GLP2R: variants seen among roughly 807,000 people sequenced by gnomAD.
The protein encoded by GLP2R is glucagon like peptide 2 receptor.
Under a neutral mutation model 68.2 loss-of-function variants are expected in GLP2R, and 59 were observed. The ratio of observed to expected loss-of-function variants is 0.87; its 90% CI spans 0.70 to 1.07. GLP2R has a LOEUF of 1.07. Among genes scored for constraint, GLP2R ranks in the 50% least tolerant of loss-of-function variants. The pLI is 0.00. For missense variants in GLP2R, 548 were observed against 677.4 expected (o/e 0.81, Z 2.12); for synonymous variants, 270 against 265.4 (o/e 1.02, Z -0.17).
chr17:9,846,146 C>A (rs1158060922), intron 4 of GLP2R, among the ~76,000 whole-genome samples: 2 of 152,068 alleles, frequency 1.3e-5, no homozygotes, highest in Non-Finnish European at 2.9e-5. Context: ...AGTTGAAAAT[C>A]AAGTACGCTT....
chr17:9,834,742 T>G (rs2066711426), intron 2 of GLP2R: 1 of 152,288 alleles, frequency 6.6e-6, no homozygotes, highest in Admixed American at 6.5e-5. Flanking sequence ...GTCCCAGGCT[T>G]CAAGCCCTTC....
At chr17:9,834,585 A>G (rs968482202) in intron 2 of GLP2R, 1 of 152,608 alleles carries the variant, frequency 6.6e-6, no homozygotes, top group Non-Finnish European at 1.5e-5. Context: ...CCTCCAAAAG[A>G]AAAAAAGAAG....
chr17:9,866,861 AT>A (rs1392275040), intron 9 of GLP2R: 1 of 152,274 alleles, frequency 6.6e-6, no homozygotes, highest in African/African-American at 2.4e-5. Context: ...CTAAAAGAGA[AT>A]TCCTTAAACC....
chr17:9,839,180 C>T (rs1008346909), intron 3 of GLP2R, among the ~76,000 whole-genome samples: 3 of 152,088 alleles, frequency 2.0e-5, no homozygotes, highest in Non-Finnish European at 4.4e-5. Context: ...CTATTGGACA[C>T]AGGAATGGAG....
chr17:9,850,094 C>T (rs375595464), intron 4 of GLP2R, among the ~76,000 whole-genome samples: 13 of 152,180 alleles, frequency 8.5e-5, no homozygotes, highest in African/African-American at 3.1e-4. Context: ...GTCCTCCCTT[C>T]AACTATGTAT....
chr17:9,841,368 G>T (rs1421972464), intron 3 of GLP2R, among the ~76,000 whole-genome samples: 1 of 151,942 alleles, frequency 6.6e-6, no homozygotes, highest in Non-Finnish European at 1.5e-5. Flanking sequence ...TGACTGCTGG[G>T]TTGCCCACAG....
chr17:9,856,983 G>A lies in GLP2R; in HGVS notation c.612-440G>A, dbSNP rs547145496. Reference sequence around the variant, plus strand: ...TGTTGCCAGGCTGGCGTGCAGTGGCGTGATCTAGGCTCACTGCAACCTCCG... The same window carrying A: ...TGTTGCCAGGCTGGCGTGCAGTGGCATGATCTAGGCTCACTGCAACCTCCG... On this transcript the variant is annotated intron_variant, in intron 5 of 12. Transcript: ENST00000262441. 1.6e-4 allele frequency among the ~76,000 whole-genome samples: 24 copies of A among 151,908 alleles called. No individual in the cohort carries two copies. The East Asian group carries it at 2.9e-3, about 18-fold the overall frequency.
At chr17:9,843,333 C>G (rs1409525532) in intron 4 of GLP2R, among the ~76,000 whole-genome samples, 1 of 152,220 alleles carries the variant, frequency 6.6e-6, no homozygotes, top group African/African-American at 2.4e-5. Flanking sequence ...TCTGCTCTTC[C>G]CGGCTGTGAA....
intron 3 of GLP2R, among the ~76,000 whole-genome samples, chr17:9,840,000 G>T (rs62066029): frequency 3.3e-5 from 4 of 122,440 alleles, no homozygotes; most frequent in Non-Finnish European, 3.3e-5. Flanking sequence ...TTTTTTTTTG[G>T]AGACAGAGTC....
chr17:9,861,274 C>A, intron 8 of GLP2R, 75 bp downstream of exon 8: 1 of 979,110 alleles, frequency 1.0e-6, no homozygotes. Flanking sequence ...AGAATGACAT[C>A]ATTTTACCGT....
At chr17:9,871,349 A>C (rs1199242006) in intron 10 of GLP2R, among the ~76,000 whole-genome samples, 2 of 152,020 alleles carry the variant, frequency 1.3e-5, no homozygotes, top group Non-Finnish European at 2.9e-5. Flanking sequence ...GTCTCAAAAA[A>C]AAAAAAAAAA....
intron 3 of GLP2R, 155 bp from the exon 4 acceptor site, chr17:9,842,340 C>T (rs1167010329): frequency 7.1e-6 from 6 of 846,042 alleles, no homozygotes; most frequent in Non-Finnish European, 1.1e-5. Flanking sequence ...TCCATGTTTT[C>T]CTTTCCATCC....
rs1254494491 is a variant in GLP2R, at chr17:9,870,728, TTCTGC to T, written c.1057-15_1057-11del. 1.7e-6 allele frequency: 2 copies of T among 1,202,134 alleles called. No homozygotes were observed. The highest frequency in any genetic ancestry group is 3.0e-5 in the African/African-American group (2 of 67,512). The allele number at this position is 1,202,134 out of a possible 1,614,324, so 74.5% of individuals were successfully genotyped here. ...TGGAATTCGTCACTTACTTACCCAATTCTGCTCTTTTTTTCAAGGTCAATTTCTTC... is the reference window on the plus strand; with the variant it reads ...TGGAATTCGTCACTTACTTACCCAATTCTTTTTTTCAAGGTCAATTTCTTC... On this transcript the variant is annotated splice_polypyrimidine_tract_variant and intron_variant, in intron 9 of 12. Coordinates refer to ENST00000262441, the MANE Select transcript of GLP2R (RefSeq NM_004246.3).
rs2067279846 is a variant in GLP2R at position 9,890,229 on chromosome 17, C to T, written c.*524C>T. 2.7e-6 allele frequency: 1 copy of T among 365,768 alleles called. No homozygotes were observed. The highest frequency in any genetic ancestry group is 2.1e-5 in the African/African-American group (1 of 46,924). The allele number at this position is 365,768 out of a possible 1,614,324, so 22.7% of individuals were successfully genotyped here. Reference sequence around the variant, plus strand: ...CATCCCAGGTAATTCTGCTGCAAGCCCACCCTTGGAGAACACTGGGCAGGG... The same window carrying T: ...CATCCCAGGTAATTCTGCTGCAAGCTCACCCTTGGAGAACACTGGGCAGGG... On this transcript the variant is annotated 3_prime_UTR_variant, in exon 13 of 13. Transcript: ENST00000262441.
rs2067278066 is a variant in GLP2R, at chr17:9,890,011, TCTC to T, written c.*309_*311del. 2.0e-6 allele frequency: 1 copy of T among 498,272 alleles called. No individual in the cohort carries two copies. The highest frequency in any genetic ancestry group is 2.3e-5 in the Admixed American group (1 of 43,642). 30.9% of individuals were successfully genotyped at this position (498,272 alleles called of 1,614,324 possible). On this transcript the variant is annotated 3_prime_UTR_variant, in exon 13 of 13. Coordinates refer to ENST00000262441, the MANE Select transcript of GLP2R (RefSeq NM_004246.3). ...AATGAAGTCCCACCATGAAGAGAGG[TCTC>T]CTGTTATAGAGAAGCCAGCCAATAT...
intron 9 of GLP2R, among the ~76,000 whole-genome samples, chr17:9,865,172 G>A (rs534676105): frequency 5.1e-4 from 77 of 152,200 alleles, no homozygotes; most frequent in Admixed American, 2.1e-3. Flanking sequence ...AAAGCTTGGT[G>A]TTCTCCTAAC....
intron 1 of GLP2R, among the ~76,000 whole-genome samples, chr17:9,829,196 G>A (rs929936126): frequency 1.3e-5 from 2 of 151,002 alleles, no homozygotes; most frequent in Non-Finnish European, 2.9e-5. Flanking sequence ...TCCCACACTC[G>A]TTTAAGTTAT....
In GLP2R at chr17:9,875,940, C is replaced by T. The variant is rs114637658; in HGVS notation, c.1146-4438C>T. Among the ~76,000 whole-genome samples the T allele has an allele frequency of 2.6e-3, 400 of 152,308 alleles. 4 individuals are homozygous for T. The highest frequency in any genetic ancestry group is 0.01 in the Middle Eastern group (3 of 294). On this transcript the variant is annotated intron_variant, in intron 10 of 12. Transcript: ENST00000262441. ...TTGCCCATGCTGGAATGCAATGGCA[C>T]GATCTTGGCTCAGCACAACTTCCGT...
chr17:9,827,117 C>G (rs1318522272), intron 1 of GLP2R, among the ~76,000 whole-genome samples: 1 of 152,158 alleles, frequency 6.6e-6, no homozygotes, highest in Non-Finnish European at 1.5e-5. Context: ...GATCTACCCG[C>G]CTCGGCCTCC....
Sources: gnomAD v4.1 joint callset for allele counts (sites outside exome capture counted in the v4.1 genomes callset) on GRCh38, gnomAD v4.1.1 for gene constraint, MANE v1.5 for transcripts, NCBI Gene and HGNC (gene_info 2026-07-23, HGNC 2026-07-21) for gene names.